Variants in G3BP1 observed in about 807,000 individuals in gnomAD.
G3BP1 encodes the protein G3BP stress granule assembly factor 1, also known as ras GTPase-activating protein-binding protein 1.
In G3BP1, 35 loss-of-function variants were observed where a neutral mutation model predicts 58.6. The ratio of observed to expected loss-of-function variants is 0.60; its 90% CI spans 0.46 to 0.79. G3BP1 has a LOEUF of 0.79. G3BP1 is among the 30% of genes least tolerant of loss of function. The probability of loss-of-function intolerance (pLI) is 0.00; values close to 1 mark genes in which losing one functional copy is unlikely to be tolerated. For synonymous variants in G3BP1, 191 were observed against 195.4 expected, an observed-to-expected ratio of 0.98 and a Z score of 0.19; for missense variants, 523 against 580.8, an observed-to-expected ratio of 0.90 and a Z score of 1.02.
chr5:151,776,623 T>C (rs576869011), intron 1 of G3BP1, among the ~76,000 whole-genome samples: 23 of 152,332 alleles, frequency 1.5e-4, no homozygotes, highest in African/African-American at 5.3e-4. Flanking sequence ...TGAGGAAGAT[T>C]TGTGTATTCT....
rs143884012 is a variant in G3BP1, at chr5:151,783,496, C to G, written c.-49-3076C>G. 2.6e-4 allele frequency among the ~76,000 whole-genome samples: 40 copies of G among 151,918 alleles called. 1 individual carries two copies. The highest frequency in any genetic ancestry group is 8.9e-4 in the African/African-American group (37 of 41,392). On this transcript the variant is annotated intron_variant, in intron 1 of 11. Transcript: ENST00000356245. ...AATCTTGGCTCGCTGCAACCTCTGC[C>G]TCCCAGGTTCAAGTGATTCTCGTGC...
chr5:151,797,198 A>C (rs1405370054), intron 6 of G3BP1, 29 bp from the exon 7 acceptor site: 1 of 1,608,376 alleles, frequency 6.2e-7, no homozygotes, highest in South Asian at 1.1e-5. Flanking sequence ...TGGTGGCAGA[A>C]TGATATTTCT....
chr5:151,789,305 G>A (rs1043144761), intron 2 of G3BP1, among the ~76,000 whole-genome samples: 1 of 152,004 alleles, frequency 6.6e-6, no homozygotes, highest in African/African-American at 2.4e-5. Context: ...AAAGGCGGAG[G>A]TTGCAGTGAG....
chr5:151,775,080 A>G (rs1193458429), intron 1 of G3BP1, among the ~76,000 whole-genome samples: 1 of 152,232 alleles, frequency 6.6e-6, no homozygotes, highest in Non-Finnish European at 1.5e-5. Flanking sequence ...AGCAATTTCA[A>G]AAAAATTGCC....
chr5:151,789,017 C>T (rs191601187), intron 2 of G3BP1, among the ~76,000 whole-genome samples: 4 of 152,240 alleles, frequency 2.6e-5, no homozygotes, highest in South Asian at 2.1e-4. Context: ...TCAGGTGATC[C>T]GCCCACCTTG....
chr5:151,772,418 C>T (rs1327477050), intron 1 of G3BP1: 1 of 152,362 alleles, frequency 6.6e-6, no homozygotes, highest in Non-Finnish European at 1.5e-5. Context: ...CCTCCCCTGG[C>T]CAAGGGATCC....
Position 151,784,049 on chromosome 5 carries a change from A to G in G3BP1, c.-49-2523A>G, listed in dbSNP as rs961760426. Among the ~76,000 whole-genome samples, 14 of 152,342 alleles carry G rather than the reference A, an allele frequency of 9.2e-5. No individual in the cohort carries two copies. The East Asian group carries it at 2.7e-3, about 29-fold the overall frequency. On this transcript the variant is annotated intron_variant, in intron 1 of 11. Coordinates refer to ENST00000356245, the MANE Select transcript of G3BP1 (RefSeq NM_005754.3). ...GTGCTGGAATTAACAGGCGTGAGCC[A>G]CCACACCTGGCCAACATTTTTTAAT...
rs1475345824 is a variant in G3BP1 at position 151,809,754 on chromosome 5, T to TA, written c.*5666dup. 1 of 152,198 alleles carries TA rather than the reference T, an allele frequency of 6.6e-6. No homozygotes were observed. The highest frequency in any genetic ancestry group is 1.5e-5 in the Non-Finnish European group (1 of 68,022). 9.4% of individuals were successfully genotyped at this position (152,198 alleles called of 1,614,324 possible). The stretch of plus-strand genomic sequence containing the variant: ...TTCACTGTAGGAAGGGCAGCCCTGT[T>TA]AAAGTTTGTCAGGAGAAAAAGGGAA... On this transcript the variant is annotated 3_prime_UTR_variant, in exon 12 of 12. Transcript: ENST00000356245.
At chr5:151,791,257 A>G (rs1431593401) in intron 4 of G3BP1, 195 bp downstream of exon 4, 3 of 460,952 alleles carry the variant, frequency 6.5e-6, no homozygotes, top group Admixed American at 3.3e-5. Flanking sequence ...TCTTTCTCTA[A>G]AATAGTTTAG....
In G3BP1 at chr5:151,805,281, TA is replaced by T. The variant is rs1762924215; in HGVS notation, c.*1191del. On this transcript the variant is annotated 3_prime_UTR_variant, in exon 12 of 12. Transcript: ENST00000356245. ...TTTCTATTTTGTTATGGTTCTCTTT[TA>T]TTGATGGGCATGCAGTGGGTGTTAC... is the stretch of plus-strand genomic sequence containing the variant. 2.0e-5 allele frequency: 3 copies of T among 152,590 alleles called. No homozygotes were observed. Among genetic ancestry groups the T allele is most frequent in the Admixed American group, 2.0e-4 (3 of 15,268 alleles). The allele number at this position is 152,590 out of a possible 1,614,324, so 9.5% of individuals were successfully genotyped here.
chr5:151,772,670 T>C (rs1273814288), intron 1 of G3BP1: 1 of 152,228 alleles, frequency 6.6e-6, no homozygotes, highest in Admixed American at 6.5e-5. Context: ...GCTGGCGAGG[T>C]GGGTACGGCT....
At chr5:151,789,722 A>T (rs1378526933) in intron 2 of G3BP1, among the ~76,000 whole-genome samples, 1 of 152,184 alleles carries the variant, frequency 6.6e-6, no homozygotes, top group African/African-American at 2.4e-5. Flanking sequence ...ATAGGAACTT[A>T]TGTATTGGTG....
At chr5:151,800,022 T>A (rs778450403) in intron 9 of G3BP1, 22 bp downstream of exon 9, 1 of 1,475,898 alleles carries the variant, frequency 6.8e-7, no homozygotes, top group Non-Finnish European at 9.4e-7. Flanking sequence ...GAAGGGCGAT[T>A]TCTCGTTTGG....
chr5:151,783,562 T>C (rs189291856), intron 1 of G3BP1, among the ~76,000 whole-genome samples: 1 of 151,988 alleles, frequency 6.6e-6, no homozygotes, highest in Non-Finnish European at 1.5e-5. Flanking sequence ...GCTAATTTTT[T>C]GTATTTTTAG....
intron 4 of G3BP1, chr5:151,791,836 T>C: frequency 3.3e-6 from 1 of 303,928 alleles, no homozygotes; most frequent in Non-Finnish European, 6.5e-6. Flanking sequence ...TTAGTATTTT[T>C]AGTAGTGATG....
intron 11 of G3BP1, among the ~76,000 whole-genome samples, chr5:151,802,149 T>C (rs1426794156): frequency 6.6e-6 from 1 of 152,214 alleles, no homozygotes; most frequent in East Asian, 1.9e-4. Flanking sequence ...GGTTATAACA[T>C]GTCAACCTGA....
chr5:151,781,880 G>A (rs1762477018), intron 1 of G3BP1, among the ~76,000 whole-genome samples: 1 of 152,130 alleles, frequency 6.6e-6, no homozygotes, highest in Non-Finnish European at 1.5e-5. Flanking sequence ...GAGGAGTCAA[G>A]TTATACACAG....
At position 151,797,445 on chromosome 5, in the gene G3BP1, C is replaced by T. The variant is rs775211854; in HGVS notation, c.741+17C>T. On this transcript the variant is annotated intron_variant, in intron 7 of 11. Coordinates refer to ENST00000356245, the MANE Select transcript of G3BP1 (RefSeq NM_005754.3). ...GACTTGAGGGTATGAAACGTGTCTT[C>T]ATTTTTATTCTATTCCTAGTTATTT... 6.3e-7 allele frequency: 1 copy of T among 1,583,824 alleles called. No individual in the cohort carries two copies. Among genetic ancestry groups the T allele is most frequent in the Non-Finnish European group, 8.6e-7 (1 of 1,162,884 alleles).
chr5:151,799,804 T>C (rs769592799), intron 8 of G3BP1, 85 bp from the exon 9 acceptor site: 14 of 764,104 alleles, frequency 1.8e-5, no homozygotes, highest in Non-Finnish European at 3.1e-5. Flanking sequence ...TTTTGTAGTT[T>C]AAAACTTGTT....
Sources: gnomAD v4.1 joint callset for allele counts (sites outside exome capture counted in the v4.1 genomes callset) on GRCh38, gnomAD v4.1.1 for gene constraint, MANE v1.5 for transcripts, NCBI Gene and HGNC (gene_info 2026-07-23, HGNC 2026-07-21) for gene names.